ZFPM2: variants seen among roughly 807,000 people sequenced by gnomAD.
ZFPM2 encodes the protein zinc finger protein ZFPM2.
ZFPM2 carries 20 observed loss-of-function variants against 98.6 expected under a neutral mutation model. The observed-to-expected ratio is 0.20, with a 90% CI of 0.14 to 0.29. The LOEUF (loss-of-function observed/expected upper bound fraction) is 0.29. ZFPM2 is among the 10% of genes least tolerant of loss of function. The pLI is 1.00. For synonymous variants in ZFPM2, 518 were observed against 502.7 expected (o/e 1.03, Z -0.41); for missense variants, 1,310 against 1,388.6 (o/e 0.94, Z 0.90).
rs13279399 is a variant in ZFPM2 at position 105,489,466 on chromosome 8, A to T, written c.301+45085A>T. Among the ~76,000 whole-genome samples, 920 of 119,766 alleles carry T rather than the reference A, an allele frequency of 7.7e-3. 15 individuals are homozygous for T. The highest frequency in any genetic ancestry group is 0.024 in the Admixed American group (263 of 11,172). The allele number at this position is 119,766 out of a possible 152,430, so 78.6% of individuals were successfully genotyped here. A position where few individuals can be genotyped will look rare whatever the true frequency, so the allele number is the denominator to read the frequency against. ...TATGTTTTTATATATATATATATAT[A>T]TTTTTTTTTTTTTTTGAGATGGAAT... On this transcript the variant is annotated intron_variant, in intron 3 of 7. Transcript: ENST00000407775.
At chr8:105,588,457 T>A (rs1300855748) in intron 4 of ZFPM2, among the ~76,000 whole-genome samples, 1 of 152,172 alleles carries the variant, frequency 6.6e-6, no homozygotes, top group Non-Finnish European at 1.5e-5. Context: ...AAAACTAGTA[T>A]CAAAATAAAA....
At chr8:105,561,609 G>A (rs1022167337) in intron 4 of ZFPM2, 128 bp downstream of exon 4, 13 of 744,720 alleles carry the variant, frequency 1.7e-5, no homozygotes, top group African/African-American at 7.1e-5. Context: ...TTGCTTTTTC[G>A]TGGACAGCAA....
At chr8:105,786,584 G>A (rs530186533) in intron 5 of ZFPM2, among the ~76,000 whole-genome samples, 1 of 131,546 alleles carries the variant, frequency 7.6e-6, no homozygotes, top group Non-Finnish European at 1.6e-5. Flanking sequence ...AAGTGATAAA[G>A]ATAATAAATG....
intron 3 of ZFPM2, among the ~76,000 whole-genome samples, chr8:105,474,190 C>CT (rs1309999747): frequency 6.6e-6 from 1 of 152,192 alleles, no homozygotes; most frequent in African/African-American, 2.4e-5. Flanking sequence ...TTGTTTCTGT[C>CT]TCTCTTCGCT....
chr8:105,490,127 A>C (rs1450467811), intron 3 of ZFPM2, among the ~76,000 whole-genome samples: 1 of 151,922 alleles, frequency 6.6e-6, no homozygotes, highest in Non-Finnish European at 1.5e-5. Context: ...GGCACCTGTA[A>C]TCCCAGCTAC....
intron 3 of ZFPM2, among the ~76,000 whole-genome samples, chr8:105,494,247 T>G (rs1813417436): frequency 7.2e-6 from 1 of 138,290 alleles, no homozygotes; most frequent in African/African-American, 2.7e-5. Context: ...TCAACATATC[T>G]GAAAGTGAAT....
At chr8:105,713,278 T>C (rs932184776) in intron 5 of ZFPM2, among the ~76,000 whole-genome samples, 2 of 152,056 alleles carry the variant, frequency 1.3e-5, no homozygotes, top group African/African-American at 4.8e-5. Context: ...ATTTCTTTGA[T>C]GATTAGTGAT....
chr8:105,564,768 G>T (rs1815209663), intron 4 of ZFPM2, among the ~76,000 whole-genome samples: 2 of 152,026 alleles, frequency 1.3e-5, no homozygotes, highest in African/African-American at 4.8e-5. Context: ...AAAAATCTCT[G>T]GGAGGAAGTA....
At chr8:105,489,891 G>C (rs1217155371) in intron 3 of ZFPM2, among the ~76,000 whole-genome samples, 1 of 152,026 alleles carries the variant, frequency 6.6e-6, no homozygotes, top group Non-Finnish European at 1.5e-5. Context: ...TTTTAACAAA[G>C]GGGACTCACA....
intron 3 of ZFPM2, among the ~76,000 whole-genome samples, chr8:105,491,628 G>T (rs1025382910): frequency 6.6e-6 from 1 of 152,108 alleles, no homozygotes; most frequent in Admixed American, 6.6e-5. Flanking sequence ...AGAGCAAGAT[G>T]AATTTGTCTG....
chr8:105,618,440 G>A (rs1471572722), intron 4 of ZFPM2, among the ~76,000 whole-genome samples: 1 of 152,042 alleles, frequency 6.6e-6, no homozygotes, highest in Non-Finnish European at 1.5e-5. Flanking sequence ...ATTAAAAAAA[G>A]TAATGTGGCA....
chr8:105,593,823 A>C, intron 4 of ZFPM2, among the ~76,000 whole-genome samples: 1 of 121,192 alleles, frequency 8.3e-6, no homozygotes, highest in East Asian at 2.0e-4. Context: ...TTTTTCAAGT[A>C]AAAAAAAATC....
intron 1 of ZFPM2, among the ~76,000 whole-genome samples, chr8:105,334,850 T>A (rs1210374427): frequency 6.6e-6 from 1 of 151,626 alleles, no homozygotes; most frequent in Non-Finnish European, 1.5e-5. Context: ...TATTAAGGAT[T>A]TTTTTATCCT....
chr8:105,774,776 T>G (rs1310806678), intron 5 of ZFPM2, among the ~76,000 whole-genome samples: 2 of 152,146 alleles, frequency 1.3e-5, no homozygotes, highest in Non-Finnish European at 2.9e-5. Context: ...TTCTTTCTTC[T>G]GTAGCAGCAT....
At chr8:105,498,269 T>TATAACATG (rs1310989286) in intron 3 of ZFPM2, among the ~76,000 whole-genome samples, 4 of 152,196 alleles carry the variant, frequency 2.6e-5, no homozygotes, top group Non-Finnish European at 2.9e-5. Context: ...CATATTGATA[T>TATAACATG]ATAACATGTA....
chr8:105,443,338 A>AAAAAAAC (rs1554605250), intron 2 of ZFPM2, among the ~76,000 whole-genome samples: 7 of 151,002 alleles, frequency 4.6e-5, no homozygotes, highest in South Asian at 2.1e-4. Context: ...AAAAAAAAAA[A>AAAAAAAC]ACTTGGCATT....
At chr8:105,512,913 TTTC>T (rs1813846647) in intron 3 of ZFPM2, among the ~76,000 whole-genome samples, 1 of 152,106 alleles carries the variant, frequency 6.6e-6, no homozygotes, top group Non-Finnish European at 1.5e-5. Flanking sequence ...TTTCAAAATT[TTTC>T]TTTTTTTCAC....
chr8:105,350,338 A>G (rs1812616681), intron 1 of ZFPM2, among the ~76,000 whole-genome samples: 1 of 152,220 alleles, frequency 6.6e-6, no homozygotes, highest in Admixed American at 6.5e-5. Context: ...GGAAAGGAAC[A>G]TGGCAATCTA....
intron 1 of ZFPM2, among the ~76,000 whole-genome samples, chr8:105,333,223 C>A (rs574932829): frequency 2.6e-5 from 4 of 151,850 alleles, no homozygotes; most frequent in South Asian, 2.1e-4. Context: ...TTCTGTGCTA[C>A]CCTCTAACTT....
Sources: allele counts gnomAD v4.1 joint callset (sites outside exome capture counted in the v4.1 genomes callset), GRCh38; gene constraint gnomAD v4.1.1; transcripts MANE v1.5; gene names NCBI Gene and HGNC (gene_info 2026-07-23, HGNC 2026-07-21).